Variants in FXR1 observed in about 807,000 individuals in gnomAD.
FXR1 encodes FMR1 autosomal homolog 1.
FXR1 carries 15 observed loss-of-function variants against 84.0 expected under a neutral mutation model. That is an observed-to-expected ratio of 0.18 (90% CI 0.12 to 0.27). The LOEUF (loss-of-function observed/expected upper bound fraction) is 0.27, where lower values mean the gene tolerates loss of function less well. Among genes scored for constraint, FXR1 ranks in the 10% least tolerant of loss-of-function variants. FXR1 has a pLI of 1.00. For missense variants in FXR1, 480 were observed against 774.4 expected, an observed-to-expected ratio of 0.62 and a Z score of 4.51; for synonymous variants, 245 against 250.7, an observed-to-expected ratio of 0.98 and a Z score of 0.21.
chr3:180,947,342 C>T (rs539388339), intron 3 of FXR1, among the ~76,000 whole-genome samples: 6 of 152,278 alleles, frequency 3.9e-5, no homozygotes, highest in South Asian at 4.1e-4. Flanking sequence ...CCACTGCGTC[C>T]GGCCTGGATA....
intron 10 of FXR1, among the ~76,000 whole-genome samples, chr3:180,958,607 C>T (rs889189835): frequency 6.6e-6 from 1 of 151,962 alleles, no homozygotes; most frequent in Non-Finnish European, 1.5e-5. Flanking sequence ...TATATATATA[C>T]CACATTTTTT....
chr3:180,947,462 A>T (rs1047165351), intron 3 of FXR1, among the ~76,000 whole-genome samples: 6 of 152,212 alleles, frequency 3.9e-5, no homozygotes, highest in Non-Finnish European at 5.9e-5. Context: ...TTAGCACGGG[A>T]TCTAAATGTC....
chr3:180,973,990 A>G (rs1445100635), intron 15 of FXR1, among the ~76,000 whole-genome samples: 1 of 152,162 alleles, frequency 6.6e-6, no homozygotes, highest in African/African-American at 2.4e-5. Context: ...TTTAAAATTT[A>G]CTGGAGATTT....
intron 11 of FXR1, 33 bp downstream of exon 11, chr3:180,961,587 T>A: frequency 2.1e-6 from 2 of 953,760 alleles, no homozygotes; most frequent in Non-Finnish European, 1.7e-6. Flanking sequence ...ATTCTGATAT[T>A]GTTGCTGCAT....
chr3:180,971,242 T>G (rs1248503010), intron 15 of FXR1: 1 of 360,478 alleles, frequency 2.8e-6, no homozygotes, highest in African/African-American at 2.1e-5. Context: ...TATACTTACA[T>G]GTACACATGT....
rs1236408708 is a variant in FXR1, at chr3:180,977,234, ATACTT to A, written c.*944_*948del. The A allele has an allele frequency of 6.6e-6, 1 of 152,534 alleles. No homozygotes were observed. Among genetic ancestry groups the A allele is most frequent in the African/African-American group, 2.4e-5 (1 of 41,450 alleles). The allele number at this position is 152,534 out of a possible 1,614,324, so 9.4% of individuals were successfully genotyped here. A position where few individuals can be genotyped will look rare whatever the true frequency, so the allele number is the denominator to read the frequency against. On this transcript the variant is annotated 3_prime_UTR_variant, in exon 17 of 17. Transcript: ENST00000357559. Reference sequence around the variant, plus strand: ...GAGCTATTAATAGGCTTAGGATAGTATACTTTGCTTTTTAAAAAGCATTTATACTT... The same window carrying A: ...GAGCTATTAATAGGCTTAGGATAGTATGCTTTTTAAAAAGCATTTATACTT...
At position 180,979,916 on chromosome 3, in the gene FXR1, C is replaced by T. The variant is rs573878747; in HGVS notation, c.*3624C>T. On this transcript the variant is annotated 3_prime_UTR_variant, in exon 17 of 17. Coordinates refer to ENST00000357559, the MANE Select transcript of FXR1 (RefSeq NM_005087.4). ...CTGAGGTAAGGTACACAAAAATTCC[C>T]CTGGAAAAACTATATTCTAGTTTTG... 3 of 152,076 alleles carry T rather than the reference C, an allele frequency of 2.0e-5. No homozygotes were observed. Among genetic ancestry groups the T allele is most frequent in the African/African-American group, 7.2e-5 (3 of 41,518 alleles). 9.4% of individuals were successfully genotyped at this position (152,076 alleles called of 1,614,324 possible).
At chr3:180,929,110 G>A (rs1197934167) in intron 1 of FXR1, among the ~76,000 whole-genome samples, 1 of 152,030 alleles carries the variant, frequency 6.6e-6, no homozygotes, top group Admixed American at 6.6e-5. Context: ...TAGTAGAGAC[G>A]GGGTTTCTCC....
At chr3:180,916,379 G>T (rs1412059888) in intron 1 of FXR1, among the ~76,000 whole-genome samples, 1 of 152,146 alleles carries the variant, frequency 6.6e-6, no homozygotes, top group African/African-American at 2.4e-5. Context: ...ATGGCCTTGG[G>T]CTGAGTATAA....
At position 180,953,959 on chromosome 3, in the gene FXR1, T is replaced by C. The variant is rs1053234390; in HGVS notation, c.880+119T>C. On this transcript the variant is annotated intron_variant, in intron 9 of 16. Coordinates refer to ENST00000357559, the MANE Select transcript of FXR1 (RefSeq NM_005087.4). The stretch of plus-strand genomic sequence containing the variant: ...CTTATTCCAGTTATGTGTAGATTTA[T>C]TTAGATAGCAATACTTCTTTTCTTT... 44 of 604,468 alleles carry C rather than the reference T, an allele frequency of 7.3e-5. No individual in the cohort carries two copies. In the African/African-American group the frequency reaches 7.9e-4, roughly 11 times the overall value. 37.4% of individuals were successfully genotyped at this position (604,468 alleles called of 1,614,324 possible). A position where few individuals can be genotyped will look rare whatever the true frequency, so the allele number is the denominator to read the frequency against.
At chr3:180,943,600 G>A (rs1721373424) in intron 3 of FXR1, among the ~76,000 whole-genome samples, 1 of 152,134 alleles carries the variant, frequency 6.6e-6, no homozygotes, top group African/African-American at 2.4e-5. Flanking sequence ...AGGAATTTAG[G>A]TTTAGTCACT....
At chr3:180,942,271 G>A (rs1054353387) in intron 3 of FXR1, among the ~76,000 whole-genome samples, 3 of 151,540 alleles carry the variant, frequency 2.0e-5, no homozygotes, top group Middle Eastern at 3.4e-3. Flanking sequence ...CCAGCTACTC[G>A]GGAGGCTGAG....
intron 1 of FXR1, among the ~76,000 whole-genome samples, chr3:180,918,594 A>G (rs1007421370): frequency 2.0e-5 from 3 of 152,220 alleles, no homozygotes; most frequent in African/African-American, 7.2e-5. Flanking sequence ...GGGAAGAGCA[A>G]TATGCATTCA....
At chr3:180,939,804 G>A (rs1720930409) in intron 3 of FXR1, among the ~76,000 whole-genome samples, 3 of 152,072 alleles carry the variant, frequency 2.0e-5, no homozygotes, top group Admixed American at 1.3e-4. Flanking sequence ...TGCAGCTCTA[G>A]GAATCCTTTG....
At chr3:180,965,125 T>A (rs1712656516) in intron 13 of FXR1, among the ~76,000 whole-genome samples, 1 of 152,106 alleles carries the variant, frequency 6.6e-6, no homozygotes, top group Non-Finnish European at 1.5e-5. Context: ...CAAGTGATTC[T>A]CCTGCCTCAG....
At chr3:180,948,966 A>G in intron 6 of FXR1, 152 bp downstream of exon 6, 1 of 624,462 alleles carries the variant, frequency 1.6e-6, no homozygotes, top group Non-Finnish European at 2.9e-6. Flanking sequence ...CAGCTATAAA[A>G]TGTTAATTAC....
chr3:180,919,747 C>T (rs968129002), intron 1 of FXR1, among the ~76,000 whole-genome samples: 5 of 152,056 alleles, frequency 3.3e-5, no homozygotes, highest in African/African-American at 9.7e-5. Flanking sequence ...AATCTCAGCT[C>T]ACTGCAACCT....
intron 7 of FXR1, among the ~76,000 whole-genome samples, 197 bp downstream of exon 7, chr3:180,949,540 C>T (rs1722010029): frequency 6.6e-6 from 1 of 152,168 alleles, no homozygotes; most frequent in African/African-American, 2.4e-5. Context: ...TGTGCCCCAC[C>T]AAGCCCAGCT....
chr3:180,943,905 T>C lies in FXR1; in HGVS notation c.199-3960T>C, dbSNP rs150951642. Among the ~76,000 whole-genome samples the C allele has an allele frequency of 3.4e-3, 516 of 152,170 alleles. 3 individuals are homozygous for C. Among genetic ancestry groups the C allele is most frequent in the Middle Eastern group, 0.014 (4 of 294 alleles). On this transcript the variant is annotated intron_variant, in intron 3 of 16. Transcript: ENST00000357559. ...TAGTTACTCGAATGGGCACCTTCTT[T>C]TGGTTGTTAGGATATTCTTTTTTTT...
Sources: allele counts gnomAD v4.1 joint callset (sites outside exome capture counted in the v4.1 genomes callset), GRCh38; gene constraint gnomAD v4.1.1; transcripts MANE v1.5; gene names NCBI Gene and HGNC (gene_info 2026-07-23, HGNC 2026-07-21).